Variants in MVB12B observed in about 807,000 individuals in gnomAD.
The protein encoded by MVB12B is multivesicular body subunit 12B.
A neutral mutation model predicts 41.6 loss-of-function variants in MVB12B; 16 were observed. That is an observed-to-expected ratio of 0.38 (90% CI 0.26 to 0.58). The LOEUF is 0.58. Among genes scored for constraint, MVB12B ranks in the 20% least tolerant of loss-of-function variants. The pLI, the probability that MVB12B is intolerant of heterozygous loss-of-function variation, is 0.62. For missense variants in MVB12B, 274 were observed against 380.2 expected (o/e 0.72, Z 2.32); for synonymous variants, 133 against 139.7 (o/e 0.95, Z 0.34).
intron 9 of MVB12B, among the ~76,000 whole-genome samples, chr9:126,497,220 G>A (rs1392815889): frequency 3.9e-5 from 6 of 152,156 alleles, no homozygotes; most frequent in East Asian, 1.9e-4. Context: ...TGGAACCAGC[G>A]GGGCCCTTAT....
chr9:126,481,343 C>G lies in MVB12B; in HGVS notation c.758-26C>G, dbSNP rs191241625. On this transcript the variant is annotated intron_variant, in intron 7 of 9. Transcript: ENST00000361171. ...AATGCCATCTTCAATACCTTTAATG[C>G]CATCTTTTTTTTTCTTCTTTTGCAG... 6.6e-5 allele frequency: 106 copies of G among 1,601,706 alleles called. No homozygotes were observed. The East Asian group carries it at 2.3e-3, about 35-fold the overall frequency.
At position 126,486,165 on chromosome 9, in the gene MVB12B, T is replaced by G. The variant is rs1833615077; in HGVS notation, c.873+2133T>G. ...AGTAAATCATAAAAACCAACCTGATTGTCATATATAGATTTTTTTTTCTTT... is the reference window on the plus strand; with the variant it reads ...AGTAAATCATAAAAACCAACCTGATGGTCATATATAGATTTTTTTTTCTTT... On this transcript the variant is annotated intron_variant, in intron 9 of 9. Coordinates refer to ENST00000361171, the MANE Select transcript of MVB12B (RefSeq NM_033446.3). This position sits in a 1 kb window ranked among gnomAD's most constrained non-coding sequence, Gnocchi z 4.7. Among the ~76,000 whole-genome samples the G allele has an allele frequency of 6.6e-6, 1 of 152,180 alleles. No individual in the cohort carries two copies. Among genetic ancestry groups the G allele is most frequent in the South Asian group, 2.1e-4 (1 of 4,832 alleles).
chr9:126,353,986 A>G (rs773440009), intron 2 of MVB12B, among the ~76,000 whole-genome samples: 68 of 152,172 alleles, frequency 4.5e-4, no homozygotes, highest in Non-Finnish European at 8.4e-4. Context: ...CCAAATAGCT[A>G]TTTACCCTTG....
At position 126,455,175 on chromosome 9, in the gene MVB12B, ATT is replaced by A. The variant is rs200679380; in HGVS notation, c.758-26189_758-26188del. ...AGGTGAATTTATTTTATTTTATTTT[ATT>A]TTTTATTTTATTTTATTTTATTTTA... On this transcript the variant is annotated intron_variant, in intron 7 of 9. Coordinates refer to ENST00000361171, the MANE Select transcript of MVB12B (RefSeq NM_033446.3). 4.5e-3 allele frequency among the ~76,000 whole-genome samples: 683 copies of A among 150,926 alleles called. 4 individuals carry two copies. Among genetic ancestry groups the A allele is most frequent in the African/African-American group, 0.016 (661 of 40,730 alleles).
intron 9 of MVB12B, among the ~76,000 whole-genome samples, chr9:126,501,109 C>CCTCCCGGAGCCGGAGT (rs1226869542): frequency 1.3e-5 from 2 of 152,242 alleles, no homozygotes; most frequent in Non-Finnish European, 2.9e-5. Context: ...CCCTCCTCAG[C>CCTCCCGGAGCCGGAGT]CTCCCGGAGC....
chr9:126,443,918 AG>A (rs1192121835), intron 7 of MVB12B, among the ~76,000 whole-genome samples: 2 of 152,258 alleles, frequency 1.3e-5, no homozygotes, highest in Non-Finnish European at 2.9e-5. Flanking sequence ...TTGCCTGCCC[AG>A]TGCTATCATA....
intron 2 of MVB12B, among the ~76,000 whole-genome samples, chr9:126,347,754 T>C (rs1490476202): frequency 6.8e-6 from 1 of 147,206 alleles, no homozygotes; most frequent in Non-Finnish European, 1.5e-5. Context: ...ATGAAAAACA[T>C]GTGAAGATGG....
At chr9:126,343,698 T>C (rs1027220686) in intron 2 of MVB12B, among the ~76,000 whole-genome samples, 9 of 148,464 alleles carry the variant, frequency 6.1e-5, no homozygotes, top group African/African-American at 2.2e-4. Context: ...GGCAGATCAC[T>C]TGAGGTCAGG....
At chr9:126,426,987 C>A (rs555318441) in intron 7 of MVB12B, 1 of 152,340 alleles carries the variant, frequency 6.6e-6, no homozygotes, top group South Asian at 2.1e-4. Flanking sequence ...TTCTTTATTT[C>A]TTTAGTTCTG....
intron 7 of MVB12B, among the ~76,000 whole-genome samples, chr9:126,460,495 C>T (rs1276321463): frequency 2.6e-5 from 4 of 152,160 alleles, no homozygotes; most frequent in Admixed American, 6.5e-5. Flanking sequence ...CTGCACTTCC[C>T]GTCTATTGCA....
At chr9:126,491,855 C>T (rs1345651979) in intron 9 of MVB12B, among the ~76,000 whole-genome samples, 2 of 152,048 alleles carry the variant, frequency 1.3e-5, no homozygotes, top group African/African-American at 4.8e-5. Context: ...AGCTTGGGAC[C>T]ACCGCTTCAT....
intron 9 of MVB12B, 61 bp from the exon 10 acceptor site, chr9:126,503,116 A>C: frequency 2.2e-6 from 3 of 1,378,966 alleles, no homozygotes; most frequent in South Asian, 1.2e-5. Flanking sequence ...GAGGCTGTGG[A>C]GGGGTTTCCC....
At chr9:126,410,930 C>T (rs1237934174) in intron 6 of MVB12B, among the ~76,000 whole-genome samples, 4 of 151,152 alleles carry the variant, frequency 2.6e-5, no homozygotes, top group African/African-American at 7.3e-5. Context: ...CTCTGTCACC[C>T]AGGCTGGAGT....
chr9:126,335,138 T>A, intron 1 of MVB12B: 1 of 850,524 alleles, frequency 1.2e-6, no homozygotes, highest in Non-Finnish European at 1.5e-6. Flanking sequence ...AATATTTGCC[T>A]TAGTTGCCCA....
rs1831728554 is a variant in MVB12B at position 126,413,881 on chromosome 9, G to C, written c.663-7973G>C. Among the ~76,000 whole-genome samples the C allele has an allele frequency of 4.1e-5, 6 of 147,902 alleles. 1 individual carries two copies. In the South Asian group the frequency reaches 1.3e-3, roughly 32 times the overall value. ...AAGGGTTGGGAGATCAAAGTGGCAG[G>C]TGCCTCTGACTATGAGTGCGCCTCT... On this transcript the variant is annotated intron_variant, in intron 6 of 9. Coordinates refer to ENST00000361171, the MANE Select transcript of MVB12B (RefSeq NM_033446.3).
intron 1 of MVB12B, chr9:126,335,188 C>T: frequency 9.0e-7 from 1 of 1,112,000 alleles, no homozygotes; most frequent in Non-Finnish European, 1.1e-6. Flanking sequence ...GACTTGTTGC[C>T]ACCTGACTAT....
intron 2 of MVB12B, among the ~76,000 whole-genome samples, chr9:126,371,186 C>G (rs536232327): frequency 3.3e-5 from 5 of 152,318 alleles, no homozygotes; most frequent in African/African-American, 1.2e-4. Flanking sequence ...CGACCAGCCG[C>G]AAGGCAACCT....
chr9:126,361,199 T>TGTTGGCTTACCA (rs1216141249), intron 2 of MVB12B, among the ~76,000 whole-genome samples: 13 of 152,308 alleles, frequency 8.5e-5, no homozygotes, highest in African/African-American at 3.1e-4. Flanking sequence ...TTATTTCCTC[T>TGTTGGCTTACCA]GTTGGCTTAC....
chr9:126,396,386 G>A, intron 6 of MVB12B: 1 of 985,506 alleles, frequency 1.0e-6, no homozygotes, highest in Non-Finnish European at 1.2e-6. Flanking sequence ...GATGGATTAA[G>A]CTTGAGAAAG....
Sources: allele counts gnomAD v4.1 joint callset (sites outside exome capture counted in the v4.1 genomes callset), GRCh38; gene constraint gnomAD v4.1.1; non-coding constraint Gnocchi (gnomAD v3.1); transcripts MANE v1.5; gene names NCBI Gene and HGNC (gene_info 2026-07-23, HGNC 2026-07-21).